Variants in RORB observed in about 807,000 individuals in gnomAD.
RORB encodes the protein RAR related orphan receptor B, also known as nuclear receptor ROR-beta.
In RORB, 6 loss-of-function variants were observed where a neutral mutation model predicts 59.1. The ratio of observed to expected loss-of-function variants is 0.10; its 90% CI spans 0.06 to 0.20. The LOEUF is 0.20. Among genes scored for constraint, RORB ranks in the 10% least tolerant of loss-of-function variants. The probability of loss-of-function intolerance (pLI) is 1.00; values close to 1 mark genes in which losing one functional copy is unlikely to be tolerated. For missense variants in RORB, 320 were observed against 560.5 expected (o/e 0.57, Z 4.33); for synonymous variants, 215 against 204.5 (o/e 1.05, Z -0.44).
chr9:74,622,744 C>G (rs747353271), intron 1 of RORB, among the ~76,000 whole-genome samples: 1 of 151,866 alleles, frequency 6.6e-6, no homozygotes, highest in Non-Finnish European at 1.5e-5. Flanking sequence ...CCAGGATGGT[C>G]TCGATCTCTT....
chr9:74,570,985 A>G (rs1469731969), intron 1 of RORB, among the ~76,000 whole-genome samples: 1 of 151,180 alleles, frequency 6.6e-6, no homozygotes, highest in African/African-American at 2.4e-5. Flanking sequence ...AATTAATTAT[A>G]TTATAATTAA....
intron 1 of RORB, among the ~76,000 whole-genome samples, chr9:74,611,223 T>C (rs992963697): frequency 6.6e-5 from 10 of 151,996 alleles, no homozygotes; most frequent in Non-Finnish European, 1.5e-5. Flanking sequence ...AAAGCTAAGC[T>C]CCCTTAACCA....
intron 1 of RORB, among the ~76,000 whole-genome samples, chr9:74,601,248 T>C (rs1823049958): frequency 6.6e-6 from 1 of 151,964 alleles, no homozygotes; most frequent in South Asian, 2.1e-4. Flanking sequence ...ATGAAAAAAT[T>C]TGAATACATT....
chr9:74,611,545 G>A (rs1301970592), intron 1 of RORB, among the ~76,000 whole-genome samples: 2 of 152,192 alleles, frequency 1.3e-5, no homozygotes, highest in East Asian at 3.8e-4. Context: ...CAAGTTAGGG[G>A]AAATCATGAG....
chr9:74,585,936 A>G (rs1314944701), intron 1 of RORB, among the ~76,000 whole-genome samples: 1 of 151,880 alleles, frequency 6.6e-6, no homozygotes, highest in African/African-American at 2.4e-5. Flanking sequence ...CTGGGACTAC[A>G]GGCGCGTGCC....
intron 1 of RORB, 110 bp from the exon 2 acceptor site, chr9:74,630,172 G>A (rs1823592196): frequency 7.0e-7 from 1 of 1,437,754 alleles, no homozygotes; most frequent in Non-Finnish European, 9.3e-7. Flanking sequence ...TCACACCCCA[G>A]TATTTTCAAA....
intron 1 of RORB, among the ~76,000 whole-genome samples, chr9:74,515,559 G>T (rs959774639): frequency 3.3e-5 from 5 of 151,884 alleles, no homozygotes; most frequent in African/African-American, 1.2e-4. Flanking sequence ...CATAACTTTT[G>T]AAGATTCCTC....
intron 1 of RORB, among the ~76,000 whole-genome samples, chr9:74,503,371 A>G (rs1825827440): frequency 1.3e-5 from 2 of 152,060 alleles, no homozygotes; most frequent in African/African-American, 2.4e-5. Flanking sequence ...ATGTATATGT[A>G]TGTGCCTATA....
intron 1 of RORB, among the ~76,000 whole-genome samples, chr9:74,604,012 A>G (rs7855997): frequency 0.47 from 71,315 of 152,070 alleles, 17,137 homozygotes; most frequent in East Asian, 0.77. Context: ...AGCTGGTACT[A>G]TGTTCTTGTA....
intron 1 of RORB, among the ~76,000 whole-genome samples, chr9:74,556,261 T>A (rs570674702): frequency 4.6e-4 from 70 of 152,320 alleles, no homozygotes; most frequent in African/African-American, 1.7e-3. Context: ...TTATACTTAT[T>A]ACTGAGATAC....
intron 1 of RORB, among the ~76,000 whole-genome samples, chr9:74,503,091 TGTA>T (rs1362692743): frequency 6.6e-6 from 1 of 152,082 alleles, no homozygotes; most frequent in Non-Finnish European, 1.5e-5. Flanking sequence ...TTATTCTAGA[TGTA>T]GTTCTGTTAT....
intron 1 of RORB, among the ~76,000 whole-genome samples, chr9:74,568,037 G>C (rs1475926209): frequency 6.6e-6 from 1 of 152,142 alleles, no homozygotes; most frequent in African/African-American, 2.4e-5. Flanking sequence ...AATTATCCTG[G>C]TTAATAATCT....
intron 1 of RORB, among the ~76,000 whole-genome samples, chr9:74,552,311 A>T (rs1826623614): frequency 6.6e-6 from 1 of 152,258 alleles, no homozygotes; most frequent in Non-Finnish European, 1.5e-5. Flanking sequence ...ATTTCATCTT[A>T]TCATCTATAA....
chr9:74,534,147 G>A (rs1252273691), intron 1 of RORB, among the ~76,000 whole-genome samples: 1 of 151,956 alleles, frequency 6.6e-6, no homozygotes, highest in Non-Finnish European at 1.5e-5. Flanking sequence ...TGGTTAAAAT[G>A]GCGAGGTTCA....
chr9:74,598,350 G>C (rs10869425), intron 1 of RORB, among the ~76,000 whole-genome samples: 71,270 of 151,856 alleles, frequency 0.47, 17,060 homozygotes, highest in East Asian at 0.77. Flanking sequence ...TTATTCCCCT[G>C]TGAAGATCCT....
chr9:74,693,109 A>G lies in RORB; in HGVS notation c.*7491A>G, dbSNP rs377485715. ...CATGATTTCTGAATGTTTTCTGTAAATGACAATCAATGTTTATGAAGTTTC... is the reference window on the plus strand; with the variant it reads ...CATGATTTCTGAATGTTTTCTGTAAGTGACAATCAATGTTTATGAAGTTTC... On this transcript the variant is annotated 3_prime_UTR_variant, in exon 10 of 10. Transcript: ENST00000376896. 7 of 152,218 alleles carry G rather than the reference A, an allele frequency of 4.6e-5. No individual in the cohort carries two copies. Among genetic ancestry groups the G allele is most frequent in the African/African-American group, 1.7e-4 (7 of 41,450 alleles). 9.4% of individuals were successfully genotyped at this position (152,218 alleles called of 1,614,324 possible). A position where few individuals can be genotyped will look rare whatever the true frequency, so the allele number is the denominator to read the frequency against.
At position 74,688,326 on chromosome 9, in the gene RORB, A is replaced by C. The variant is rs926123482; in HGVS notation, c.*2708A>C. On this transcript the variant is annotated 3_prime_UTR_variant, in exon 10 of 10. Coordinates refer to ENST00000376896, the MANE Select transcript of RORB (RefSeq NM_006914.4). ...CCAACCTTCCCTTTAAAGAGAATCCAGTCATGTTTTCAATGGTAAAAAGCC... is the reference window on the plus strand; with the variant it reads ...CCAACCTTCCCTTTAAAGAGAATCCCGTCATGTTTTCAATGGTAAAAAGCC... The C allele has an allele frequency of 1.3e-5, 2 of 152,188 alleles. No homozygotes were observed. The highest frequency in any genetic ancestry group is 4.8e-5 in the African/African-American group (2 of 41,440). The allele number at this position is 152,188 out of a possible 1,614,324, so 9.4% of individuals were successfully genotyped here. A position where few individuals can be genotyped will look rare whatever the true frequency, so the allele number is the denominator to read the frequency against.
chr9:74,573,366 A>T (rs1286795915), intron 1 of RORB, among the ~76,000 whole-genome samples: 1 of 151,682 alleles, frequency 6.6e-6, no homozygotes, highest in African/African-American at 2.4e-5. Context: ...TCTAAATGAC[A>T]ACGTCAGTGC....
intron 1 of RORB, among the ~76,000 whole-genome samples, chr9:74,510,650 G>T (rs1825924937): frequency 6.6e-6 from 1 of 152,100 alleles, no homozygotes; most frequent in South Asian, 2.1e-4. Flanking sequence ...GGTATGAATA[G>T]GAATGTGTCC....
Sources: allele counts gnomAD v4.1 joint callset (sites outside exome capture counted in the v4.1 genomes callset), GRCh38; gene constraint gnomAD v4.1.1; transcripts MANE v1.5; gene names NCBI Gene and HGNC (gene_info 2026-07-23, HGNC 2026-07-21).